Variants in RBFOX3 observed in about 807,000 individuals in gnomAD.
RBFOX3 encodes RNA binding protein fox-1 homolog 3.
Under a neutral mutation model 48.7 loss-of-function variants are expected in RBFOX3, and 17 were observed. The observed-to-expected ratio is 0.35, with a 90% CI of 0.24 to 0.52. The LOEUF (loss-of-function observed/expected upper bound fraction) is 0.52. Among genes scored for constraint, RBFOX3 ranks in the 20% least tolerant of loss-of-function variants. The pLI is 0.94. For synonymous variants in RBFOX3, 212 were observed against 209.5 expected (o/e 1.01, Z -0.10); for missense variants, 382 against 497.5 (o/e 0.77, Z 2.21).
At position 79,481,422 on chromosome 17, in the gene RBFOX3, A is replaced by G. The variant is rs1343736242; in HGVS notation, c.-175+1032T>C. ...CCTGGTTCCTGGGAGGTGATCTCTA[A>G]AACTGCTGGGGTTTCCAAGGGATAG... is the stretch of plus-strand genomic sequence containing the variant. On this transcript the variant is annotated intron_variant, in intron 2 of 14. Coordinates refer to ENST00000693108, the MANE Select transcript of RBFOX3 (RefSeq NM_001350451.2). The surrounding 1 kb of genome is among the most constrained non-coding windows in gnomAD (Gnocchi z 5.4). Among the ~76,000 whole-genome samples, 1 of 152,100 alleles carries G rather than the reference A, an allele frequency of 6.6e-6. No individual in the cohort carries two copies. The highest frequency in any genetic ancestry group is 1.5e-5 in the Non-Finnish European group (1 of 68,014).
the RBFOX3 span, among the ~76,000 whole-genome samples, chr17:79,648,870 C>T: frequency 6.6e-6 from 1 of 152,212 alleles, no homozygotes; most frequent in Non-Finnish European, 1.5e-5. Context: ...CCAGCCTCTC[C>T]CACCCACACC....
intron 2 of RBFOX3, among the ~76,000 whole-genome samples, chr17:79,330,720 G>A (rs765425439): frequency 5.9e-5 from 9 of 152,126 alleles, no homozygotes; most frequent in Non-Finnish European, 1.0e-4. Context: ...CACGTGGTGG[G>A]GCTGTGCCTG....
chr17:79,370,706 C>T (rs1019251382), intron 2 of RBFOX3, among the ~76,000 whole-genome samples: 3 of 152,152 alleles, frequency 2.0e-5, no homozygotes, highest in African/African-American at 2.4e-5. Context: ...CTGAAATGCA[C>T]GGTCACATAC....
At chr17:79,575,308 G>A (rs1414062861) in intron 1 of RBFOX3, among the ~76,000 whole-genome samples, 3 of 152,174 alleles carry the variant, frequency 2.0e-5, no homozygotes, top group South Asian at 2.1e-4. Flanking sequence ...GGGCAGGAAC[G>A]AGTACATGGG....
chr17:79,611,130 T>TCTCTCCCTCTCTCTCTCTCTC (rs1491548376), upstream of RBFOX3, among the ~76,000 whole-genome samples: 2 of 37,816 alleles, frequency 5.3e-5, no homozygotes, highest in Admixed American at 4.9e-4. Flanking sequence ...TCCGCCCTCC[T>TCTCTCCCTCTCTCTCTCTCTC]TCTCTCTCTC....
intron 4 of RBFOX3, among the ~76,000 whole-genome samples, chr17:79,186,502 C>T (rs555249436): frequency 6.6e-6 from 1 of 152,300 alleles, no homozygotes; most frequent in South Asian, 2.1e-4. Context: ...TTTTCAGATT[C>T]TCCAGGCCCC....
In RBFOX3 at chr17:79,186,733, T is replaced by C. The variant is rs544083457; in HGVS notation, c.-34+49033A>G. On this transcript the variant is annotated intron_variant, in intron 4 of 14. Coordinates refer to ENST00000693108, the MANE Select transcript of RBFOX3 (RefSeq NM_001350451.2). Reference sequence around the variant, plus strand: ...TTCGCCCTGAATCTGAGAAGGGCCTTGTTAGGCAGGCAGGAACTGAGCTGT... The same window carrying C: ...TTCGCCCTGAATCTGAGAAGGGCCTCGTTAGGCAGGCAGGAACTGAGCTGT... 8.9e-4 allele frequency among the ~76,000 whole-genome samples: 136 copies of C among 152,326 alleles called. 1 individual carries two copies. The highest frequency in any genetic ancestry group is 3.0e-3 in the African/African-American group (126 of 41,560).
At chr17:79,281,762 G>A (rs921677401) in intron 3 of RBFOX3, among the ~76,000 whole-genome samples, 1 of 152,258 alleles carries the variant, frequency 6.6e-6, no homozygotes, top group African/African-American at 2.4e-5. Flanking sequence ...ATCAAAAGGT[G>A]TTAAAATCAA....
chr17:79,122,088 G>A (rs994900312), intron 4 of RBFOX3, among the ~76,000 whole-genome samples: 4 of 152,078 alleles, frequency 2.6e-5, no homozygotes, highest in Admixed American at 6.5e-5. Context: ...TAATCTGGGG[G>A]TCACCCTTGA....
intron 2 of RBFOX3, among the ~76,000 whole-genome samples, chr17:79,323,600 C>A (rs1293621327): frequency 6.6e-6 from 1 of 152,240 alleles, no homozygotes; most frequent in African/African-American, 2.4e-5. Context: ...CCTGCCCACC[C>A]AGCTGGACCT....
At chr17:79,168,187 C>T (rs944807976) in intron 4 of RBFOX3, among the ~76,000 whole-genome samples, 2 of 152,202 alleles carry the variant, frequency 1.3e-5, no homozygotes. Context: ...TGCTGCCTGA[C>T]CCCTGACCGG....
intron 3 of RBFOX3, among the ~76,000 whole-genome samples, chr17:79,246,437 T>G (rs1218173554): frequency 6.6e-6 from 1 of 152,240 alleles, no homozygotes; most frequent in Non-Finnish European, 1.5e-5. Context: ...GGGCTGTTCT[T>G]CCTTCTACTG....
the RBFOX3 span, among the ~76,000 whole-genome samples, chr17:79,648,808 G>A: frequency 6.6e-5 from 10 of 152,148 alleles, no homozygotes; most frequent in East Asian, 1.9e-4. Flanking sequence ...AGTGGGTTGC[G>A]GGCAGAAATG....
In RBFOX3 at chr17:79,139,514, T is replaced by C. The variant is rs188448884; in HGVS notation, c.-33-23766A>G. 1.9e-3 allele frequency among the ~76,000 whole-genome samples: 293 copies of C among 152,340 alleles called. 3 individuals are homozygous for C. The highest frequency in any genetic ancestry group is 0.017 in the Middle Eastern group (5 of 294). ...GAGCTCTCTGAATTAAAAGCATTCA[T>C]CTTCTCCTGCTGACCGGGATGTGGG... On this transcript the variant is annotated intron_variant, in intron 4 of 14. Transcript: ENST00000693108.
At chr17:79,200,808 C>T (rs746496932) in intron 4 of RBFOX3, among the ~76,000 whole-genome samples, 2 of 152,122 alleles carry the variant, frequency 1.3e-5, no homozygotes, top group African/African-American at 2.4e-5. Flanking sequence ...CCTGGTCCCC[C>T]CTACCTGATG....
intron 5 of RBFOX3, among the ~76,000 whole-genome samples, chr17:79,114,439 C>G (rs760634594): frequency 6.6e-6 from 1 of 152,170 alleles, no homozygotes; most frequent in Admixed American, 6.5e-5. Flanking sequence ...AGATGAGGGT[C>G]GGGTCCAGCC....
At chr17:79,536,583 C>T (rs1555788759) in intron 1 of RBFOX3, among the ~76,000 whole-genome samples, 1 of 147,994 alleles carries the variant, frequency 6.8e-6, no homozygotes, top group Non-Finnish European at 1.5e-5. Flanking sequence ...TGGGCAAGCT[C>T]ATCACCCTCG....
At chr17:79,202,761 G>C (rs2056956973) in intron 4 of RBFOX3, among the ~76,000 whole-genome samples, 1 of 152,224 alleles carries the variant, frequency 6.6e-6, no homozygotes, top group Admixed American at 6.5e-5. Context: ...CCGCCCTGGG[G>C]CTCTTCTGTT....
chr17:79,492,313 AC>A (rs1382261074), intron 1 of RBFOX3, among the ~76,000 whole-genome samples: 1 of 152,018 alleles, frequency 6.6e-6, no homozygotes, highest in Non-Finnish European at 1.5e-5. Context: ...CCCTGGTGTC[AC>A]CTCCCCTGTC....
Sources: gnomAD v4.1 joint callset for allele counts (sites outside exome capture counted in the v4.1 genomes callset) on GRCh38, gnomAD v4.1.1 for gene constraint, Gnocchi (gnomAD v3.1) non-coding constraint, MANE v1.5 for transcripts, NCBI Gene and HGNC (gene_info 2026-07-23, HGNC 2026-07-21) for gene names.